The following ENTHD1 variants were observed in gnomAD, a reference collection of about 807,000 sequenced individuals.
ENTHD1 encodes the protein ENTH domain containing 1.
ENTHD1 carries 23 observed loss-of-function variants against 39.1 expected under a neutral mutation model. That is an observed-to-expected ratio of 0.59 (90% CI 0.42 to 0.83). ENTHD1 has a LOEUF of 0.83. Ranked by LOEUF, ENTHD1 falls within the 40% of genes least tolerant of loss-of-function variation. ENTHD1 has a pLI of 0.00. For synonymous variants in ENTHD1, 230 were observed against 258.2 expected (o/e 0.89, Z 1.05); for missense variants, 624 against 705.4 (o/e 0.88, Z 1.31).
chr22:39,864,754 C>T (rs1393213210), intron 2 of ENTHD1, among the ~76,000 whole-genome samples: 1 of 151,974 alleles, frequency 6.6e-6, no homozygotes, highest in Non-Finnish European at 1.5e-5. Context: ...TAGCTGGGCA[C>T]GGTGGTGCAC....
At chr22:39,889,726 CT>C (rs993619640) in intron 1 of ENTHD1, among the ~76,000 whole-genome samples, 15 of 152,030 alleles carry the variant, frequency 9.9e-5, no homozygotes, top group Admixed American at 9.8e-4. Context: ...ACTATCACTT[CT>C]TTTTTTTAAA....
rs138393426 is a variant in ENTHD1 at position 39,821,018 on chromosome 22, T to G, written c.807A>C (p.Glu269Asp). Residue 269 changes from glutamate (E) to aspartate (D), a missense_variant, in exon 5 of 7, where the codon GAA becomes GAC. Physicochemically the swap from Glu to Asp is conservative, Grantham distance 45 (BLOSUM62 2). Coordinates refer to ENST00000325157, the MANE Select transcript of ENTHD1 (RefSeq NM_152512.4). The part of the protein sequence containing the change: ...VSPITCLSEA[E>D]EVCNLSGADA... ...CTGCACCCGAAAGATTACAAACTTC[T>G]TCTGCTTCTGACAAGCAAGTGATTG... 2.4e-5 allele frequency: 39 copies of G among 1,613,978 alleles called. No homozygotes were observed. In the African/African-American group the frequency reaches 4.3e-4, roughly 18 times the overall value.
chr22:39,867,199 G>A lies in ENTHD1; in HGVS notation c.350-5192C>T, dbSNP rs901554701. ...ATTACAGGCGTGAGCCACCGCGCCC[G>A]GCCCGAGAAATCTATATACATTTAC... On this transcript the variant is annotated intron_variant, in intron 2 of 6. Coordinates refer to ENST00000325157, the MANE Select transcript of ENTHD1 (RefSeq NM_152512.4). This position sits in a 1 kb window ranked among gnomAD's most constrained non-coding sequence, Gnocchi z 4.5. Among the ~76,000 whole-genome samples, 2 of 152,082 alleles carry A rather than the reference G, an allele frequency of 1.3e-5. No homozygotes were observed. Among genetic ancestry groups the A allele is most frequent in the African/African-American group, 2.4e-5 (1 of 41,392 alleles).
At chr22:39,753,147 G>A (rs1343593881) in intron 6 of ENTHD1, among the ~76,000 whole-genome samples, 1 of 152,194 alleles carries the variant, frequency 6.6e-6, no homozygotes, top group African/African-American at 2.4e-5. Context: ...ATATGAGAAA[G>A]TGTAGAATAC....
At chr22:39,760,651 T>A (rs1215256575) in intron 6 of ENTHD1, among the ~76,000 whole-genome samples, 2 of 152,058 alleles carry the variant, frequency 1.3e-5, no homozygotes, top group Admixed American at 6.5e-5. Flanking sequence ...ATTTAGGTCT[T>A]CTATTTTGCT....
intron 6 of ENTHD1, among the ~76,000 whole-genome samples, chr22:39,762,638 G>C (rs1241425104): frequency 2.6e-5 from 4 of 152,070 alleles, no homozygotes; most frequent in African/African-American, 9.7e-5. Context: ...TTTTTGTAGA[G>C]ATGGGGTCTC....
At position 39,743,987 on chromosome 22, in the gene ENTHD1, T is replaced by G. The variant is rs1477470428; in HGVS notation, c.1516A>C (p.Ser506Arg). The change falls in exon 7 of 7, where the codon AGT becomes CGT. Residue 506 changes from serine (S) to arginine (R), a missense_variant. Transcript: ENST00000325157. Reference sequence around the variant, plus strand: ...CCCCAGTGACTACTAGAAATGTGACTTATATTCTTTTTAGCAGAATCAGAG... The same window carrying G: ...CCCCAGTGACTACTAGAAATGTGACGTATATTCTTTTTAGCAGAATCAGAG... ...NNSDSAKKNI[S>R]HISSSHWGEF... The G allele has an allele frequency of 6.2e-7, 1 of 1,614,144 alleles. No homozygotes were observed. Among genetic ancestry groups the G allele is most frequent in the Non-Finnish European group, 8.5e-7 (1 of 1,179,992 alleles).
intron 4 of ENTHD1, among the ~76,000 whole-genome samples, chr22:39,826,361 C>CT (rs549687805): frequency 7.9e-5 from 12 of 151,670 alleles, no homozygotes; most frequent in Admixed American, 3.3e-4. Flanking sequence ...ACTTATTTAT[C>CT]TTTTTTTTCA....
intron 5 of ENTHD1, among the ~76,000 whole-genome samples, chr22:39,771,689 AT>A (rs892587529): frequency 4.2e-4 from 63 of 151,744 alleles, no homozygotes; most frequent in Admixed American, 1.1e-3. Flanking sequence ...GAATGACACC[AT>A]TTTTTTTAAT....
intron 2 of ENTHD1, among the ~76,000 whole-genome samples, chr22:39,882,724 G>A (rs1401326494): frequency 6.6e-6 from 1 of 152,010 alleles, no homozygotes; most frequent in Non-Finnish European, 1.5e-5. Context: ...CACAAAGAGG[G>A]CTGGGCACGG....
At chr22:39,834,323 A>G (rs529915578) in intron 4 of ENTHD1, among the ~76,000 whole-genome samples, 1 of 152,366 alleles carries the variant, frequency 6.6e-6, no homozygotes, top group South Asian at 2.1e-4. Flanking sequence ...TGGATAAAAG[A>G]TGTGAACATA....
At chr22:39,768,998 TTG>T (rs1305491185) in intron 5 of ENTHD1, among the ~76,000 whole-genome samples, 38 of 151,984 alleles carry the variant, frequency 2.5e-4, no homozygotes, top group Admixed American at 2.0e-3. Flanking sequence ...ACACACTAAC[TTG>T]TGTATATGTA....
intron 5 of ENTHD1, among the ~76,000 whole-genome samples, chr22:39,773,415 G>A (rs1189914494): frequency 6.6e-6 from 1 of 152,104 alleles, no homozygotes. Flanking sequence ...AGCTTTAAAA[G>A]CCCAAAGCCT....
At chr22:39,847,962 G>A (rs2066004095) in intron 3 of ENTHD1, among the ~76,000 whole-genome samples, 1 of 152,150 alleles carries the variant, frequency 6.6e-6, no homozygotes. Flanking sequence ...CCAAAGTCAA[G>A]GCGTTGGCCA....
At chr22:39,789,407 C>T (rs2065486286) in intron 5 of ENTHD1, among the ~76,000 whole-genome samples, 1 of 152,058 alleles carries the variant, frequency 6.6e-6, no homozygotes, top group African/African-American at 2.4e-5. Flanking sequence ...CCATTCGTAC[C>T]TTTCAACTGA....
intron 5 of ENTHD1, among the ~76,000 whole-genome samples, chr22:39,799,594 G>A (rs1030442295): frequency 6.6e-6 from 1 of 152,194 alleles, no homozygotes; most frequent in African/African-American, 2.4e-5. Flanking sequence ...CACCACACAC[G>A]AGCTGAAGAG....
intron 2 of ENTHD1, among the ~76,000 whole-genome samples, chr22:39,879,453 ACT>A (rs1444600849): frequency 1.4e-4 from 17 of 118,906 alleles, no homozygotes; most frequent in Admixed American, 4.9e-4. Flanking sequence ...ACAGAGTGAG[ACT>A]CTGTCTCAAA....
chr22:39,758,290 C>T (rs2065201220), intron 6 of ENTHD1, among the ~76,000 whole-genome samples: 1 of 152,074 alleles, frequency 6.6e-6, no homozygotes, highest in Admixed American at 6.5e-5. Flanking sequence ...TGCCTAAGAC[C>T]TCTAATACAA....
Position 39,821,092 on chromosome 22 carries a change from C to T in ENTHD1, c.733G>A (p.Asp245Asn), listed in dbSNP as rs925038789. 2.5e-6 allele frequency: 4 copies of T among 1,614,012 alleles called. No homozygotes were observed. In the Admixed American group the frequency reaches 6.7e-5, roughly 27 times the overall value. ...GCTAGTAAAGGCAGCTCTGGATCAT[C>T]ATCCAAAAATGTCATCAGGTCCTGA... ...STEDLMTFLD[D>N]DPELPLLATP... Residue 245 changes from aspartate (D) to asparagine (N), a missense_variant, in exon 5 of 7, where the codon GAT becomes AAT. Asp to Asn is a conservative substitution (Grantham distance 23, BLOSUM62 1). Transcript: ENST00000325157.
Sources: allele counts gnomAD v4.1 joint callset (sites outside exome capture counted in the v4.1 genomes callset), GRCh38; gene constraint gnomAD v4.1.1; non-coding constraint Gnocchi (gnomAD v3.1); transcripts MANE v1.5; gene names NCBI Gene and HGNC (gene_info 2026-07-23, HGNC 2026-07-21).